The following TECTA variants were observed in gnomAD, a reference collection of about 807,000 sequenced individuals.
TECTA encodes the protein alpha-tectorin.
A neutral mutation model predicts 216.8 loss-of-function variants in TECTA; 128 were observed. That is an observed-to-expected ratio of 0.59 (90% confidence interval 0.51 to 0.68). The LOEUF is 0.68. Among genes scored for constraint, TECTA ranks in the 30% least tolerant of loss-of-function variants. The pLI, the probability that TECTA is intolerant of heterozygous loss-of-function variation, is 0.00. For missense variants in TECTA, 2,551 were observed against 2,786.2 expected (o/e 0.92, Z 1.90); for synonymous variants, 1,089 against 1,117.1 (o/e 0.97, Z 0.50).
chr11:121,129,556 A>G lies in TECTA; in HGVS notation c.2368-82A>G, dbSNP rs2135083850. 7 of 1,423,580 alleles carry G rather than the reference A, an allele frequency of 4.9e-6. 1 individual carries two copies. The South Asian group carries it at 8.1e-5, about 16-fold the overall frequency. The allele number at this position is 1,423,580 out of a possible 1,614,324, so 88.2% of individuals were successfully genotyped here. On this transcript the variant is annotated intron_variant, in intron 9 of 23. Transcript: ENST00000392793. Reference sequence around the variant, plus strand: ...TCTCAAAAGGCTAGCAATAGGGCAGACCGTGTCTTTATCCCACAGCCTAGG... The same window carrying G: ...TCTCAAAAGGCTAGCAATAGGGCAGGCCGTGTCTTTATCCCACAGCCTAGG...
chr11:121,118,776 G>A, intron 7 of TECTA, 58 bp downstream of exon 7: 1 of 1,599,286 alleles, frequency 6.3e-7, no homozygotes. Flanking sequence ...CTTCAGCCTA[G>A]GGAAGACTTC....
intron 14 of TECTA, among the ~76,000 whole-genome samples, chr11:121,158,829 G>A (rs1359384814): frequency 6.6e-6 from 1 of 152,174 alleles, no homozygotes; most frequent in Non-Finnish European, 1.5e-5. Flanking sequence ...TCTTACACCT[G>A]TGTGTAAATA....
At chr11:121,121,625 A>G (rs1160575129) in intron 7 of TECTA, among the ~76,000 whole-genome samples, 2 of 152,218 alleles carry the variant, frequency 1.3e-5, no homozygotes, top group Non-Finnish European at 2.9e-5. Flanking sequence ...TGACACCCAC[A>G]GTCACCCAGG....
chr11:121,149,173 A>G (rs959047426), intron 12 of TECTA, among the ~76,000 whole-genome samples: 2 of 152,194 alleles, frequency 1.3e-5, no homozygotes, highest in Non-Finnish European at 2.9e-5. Flanking sequence ...TTTCCCCAGG[A>G]AGGTGGCCTG....
intron 7 of TECTA, among the ~76,000 whole-genome samples, chr11:121,119,734 A>T (rs1329866828): frequency 6.6e-6 from 1 of 152,206 alleles, no homozygotes; most frequent in Non-Finnish European, 1.5e-5. Context: ...GTTTTAATTG[A>T]TGTAGCATGT....
intron 20 of TECTA, among the ~76,000 whole-genome samples, chr11:121,182,737 G>A (rs1947242689): frequency 6.6e-6 from 1 of 152,242 alleles, no homozygotes; most frequent in Non-Finnish European, 1.5e-5. Flanking sequence ...GTTGCCAGTG[G>A]TGGTGGCAAC....
intron 20 of TECTA, among the ~76,000 whole-genome samples, chr11:121,184,444 G>C (rs1278436638): frequency 6.6e-6 from 1 of 152,202 alleles, no homozygotes; most frequent in African/African-American, 2.4e-5. Context: ...CCTTCATTTG[G>C]TGGGTAGGGT....
intron 14 of TECTA, among the ~76,000 whole-genome samples, chr11:121,159,679 G>A (rs1413136973): frequency 2.0e-5 from 3 of 152,346 alleles, no homozygotes; most frequent in Non-Finnish European, 4.4e-5. Flanking sequence ...CATATTAACT[G>A]TGTTAGACTC....
At chr11:121,144,004 G>T (rs1946810325) in intron 11 of TECTA, among the ~76,000 whole-genome samples, 1 of 152,212 alleles carries the variant, frequency 6.6e-6, no homozygotes, top group African/African-American at 2.4e-5. Flanking sequence ...CCAGCTGTGA[G>T]TTATCATTAG....
rs1946382417 is a variant in TECTA at position 121,105,542 on chromosome 11, T to A, written c.65-289T>A. Among the ~76,000 whole-genome samples, 1 of 152,200 alleles carries A rather than the reference T, an allele frequency of 6.6e-6. No homozygotes were observed. On this transcript the variant is annotated intron_variant, in intron 2 of 23. Transcript: ENST00000392793. This position sits in a 1 kb window ranked among gnomAD's most constrained non-coding sequence, Gnocchi z 5.3. ...AGGTTTCCAGGGAAATTTCACAAATTTCCAGCCAGCTGTAGCCATAGATAT... is the reference window on the plus strand; with the variant it reads ...AGGTTTCCAGGGAAATTTCACAAATATCCAGCCAGCTGTAGCCATAGATAT...
chr11:121,125,260 G>A (rs1345213270), intron 7 of TECTA, 42 bp from the exon 8 acceptor site: 1 of 1,593,922 alleles, frequency 6.3e-7, no homozygotes. Context: ...CCAGTGCCTG[G>A]GCACCTGCTC....
chr11:121,165,299 G>A lies in TECTA; in HGVS notation c.5299G>A (p.Gly1767Arg). 1 of 1,607,498 alleles carries A rather than the reference G, an allele frequency of 6.2e-7. No homozygotes were observed. The highest frequency in any genetic ancestry group is 8.5e-7 in the Non-Finnish European group (1 of 1,177,162). The change falls in exon 17 of 24, where the codon GGG (glycine) becomes AGG (arginine). Residue 1767 changes from glycine to arginine, a missense_variant. Transcript: ENST00000392793. The part of the protein sequence containing the change: ...CSGVVEDPCV[G>R]ADCPNRTCEL... ...AGGAGTGGTTGAAGATCCCTGTGTG[G>A]GGGCGGACTGTCCCAACCGAACTTG...
rs1326228372 is a variant in TECTA, at chr11:121,137,970, C to T, written c.3491C>T (p.Thr1164Ile). The change falls in exon 11 of 24, where the codon ACC (threonine) becomes ATC (isoleucine). Residue 1164 changes from threonine to isoleucine, a missense_variant. By Grantham distance (89) the Thr-to-Ile change is moderately conservative. This residue lies in a region of TECTA where 2,375 missense variants were observed against 2,563.9 expected (regional missense o/e 0.93). Transcript: ENST00000392793. The part of the protein sequence containing the change: ...LALWVKQVDV[T>I]VFGYSIVIHR... ...TTGTGGGTTAAGCAGGTGGACGTGACCGTGTTTGGCTACAGCATCGTGATC... is the reference window on the plus strand; with the variant it reads ...TTGTGGGTTAAGCAGGTGGACGTGATCGTGTTTGGCTACAGCATCGTGATC... 3 of 1,613,080 alleles carry T rather than the reference C, an allele frequency of 1.9e-6. No homozygotes were observed. The highest frequency in any genetic ancestry group is 2.5e-6 in the Non-Finnish European group (3 of 1,179,164).
At chr11:121,119,250 T>C (rs1946533937) in intron 7 of TECTA, among the ~76,000 whole-genome samples, 1 of 152,200 alleles carries the variant, frequency 6.6e-6, no homozygotes, top group African/African-American at 2.4e-5. Flanking sequence ...AATGGATTGA[T>C]GTCTCCAGAG....
At chr11:121,184,950 T>G (rs1357683973) in intron 20 of TECTA, among the ~76,000 whole-genome samples, 1 of 152,208 alleles carries the variant, frequency 6.6e-6, no homozygotes, top group Non-Finnish European at 1.5e-5. Context: ...TTGTATTCCT[T>G]TCGCAACATA....
chr11:121,185,351 T>C (rs1591472171), intron 20 of TECTA, among the ~76,000 whole-genome samples: 1 of 142,714 alleles, frequency 7.0e-6, no homozygotes, highest in Non-Finnish European at 1.6e-5. Context: ...AGATGTTCAA[T>C]GCTTAATGAA....
At chr11:121,166,935 A>G (rs1349854628) in intron 18 of TECTA, among the ~76,000 whole-genome samples, 155 bp downstream of exon 18, 17 of 152,254 alleles carry the variant, frequency 1.1e-4, no homozygotes, top group Admixed American at 1.1e-3. Flanking sequence ...AAAGACAGCA[A>G]GAGCAGTCAT....
Position 121,137,705 on chromosome 11 carries a change from C to T in TECTA, c.3226C>T (p.Pro1076Ser). The T allele has an allele frequency of 1.2e-6, 2 of 1,614,118 alleles. No individual in the cohort carries two copies. The highest frequency in any genetic ancestry group is 1.7e-6 in the Non-Finnish European group (2 of 1,180,038). The change falls in exon 11 of 24, where the codon CCC becomes TCC. Residue 1076 changes from proline (P) to serine (S), a missense_variant. Physicochemically the swap from Pro to Ser is moderately conservative, Grantham distance 74. Transcript: ENST00000392793. Reference protein sequence around the residue: ...TDNRVHCETIPCKDDEYCMEE... With the variant: ...TDNRVHCETISCKDDEYCMEE... ...CAACAGGGTCCACTGCGAGACCATT[C>T]CCTGCAAGGATGATGAGTACTGCAT...
In TECTA at chr11:121,130,198, C is replaced by T; in HGVS notation, c.2928C>T (p.Thr976=). The T allele has an allele frequency of 6.2e-7, 1 of 1,600,570 alleles. No homozygotes were observed. The highest frequency in any genetic ancestry group is 8.5e-7 in the Non-Finnish European group (1 of 1,179,940). The change falls in exon 10 of 24, where the codon ACC becomes ACT. Residue 976 remains threonine (T), a synonymous_variant. Coordinates refer to ENST00000392793, the MANE Select transcript of TECTA (RefSeq NM_005422.4). ...NADVEVGPWR[T]YDFCPLECPE... The stretch of plus-strand genomic sequence containing the variant: ...ACGTGGAGGTGGGGCCCTGGCGGAC[C>T]TATGACTTCTGCCGTAAGTTGGGGT...
Sources: gnomAD v4.1 joint callset for allele counts (sites outside exome capture counted in the v4.1 genomes callset) on GRCh38, gnomAD v4.1.1 for gene constraint, gnomAD v4.1.1 regional missense constraint, Gnocchi (gnomAD v3.1) non-coding constraint, MANE v1.5 for transcripts, NCBI Gene and HGNC (gene_info 2026-07-23, HGNC 2026-07-21) for gene names.